USP48: variants seen among roughly 807,000 people sequenced by gnomAD.
The protein encoded by USP48 is ubiquitin specific peptidase 48.
In USP48, 43 loss-of-function variants were observed where a neutral mutation model predicts 150.7. That is an observed-to-expected ratio of 0.29 (90% CI 0.22 to 0.37). The LOEUF (loss-of-function observed/expected upper bound fraction) is 0.37. USP48 is among the 10% of genes least tolerant of loss of function. The pLI, the probability that USP48 is intolerant of heterozygous loss-of-function variation, is 1.00. For missense variants in USP48, 813 were observed against 1,249.6 expected, an observed-to-expected ratio of 0.65 and a Z score of 5.27; for synonymous variants, 396 against 425.9, an observed-to-expected ratio of 0.93 and a Z score of 0.86.
At chr1:21,691,552 T>G (rs909362759) in intron 23 of USP48, among the ~76,000 whole-genome samples, 2 of 152,116 alleles carry the variant, frequency 1.3e-5, no homozygotes, top group African/African-American at 4.8e-5. Context: ...GGAGAATCAC[T>G]TGAACCCAGG....
At chr1:21,714,884 C>T (rs2097700155) in intron 15 of USP48, among the ~76,000 whole-genome samples, 1 of 152,128 alleles carries the variant, frequency 6.6e-6, no homozygotes, top group Non-Finnish European at 1.5e-5. Flanking sequence ...TGGCTCGTGC[C>T]TATAATCCCA....
At chr1:21,781,648 C>G (rs1308103464) in intron 1 of USP48, among the ~76,000 whole-genome samples, 1 of 152,204 alleles carries the variant, frequency 6.6e-6, no homozygotes, top group Admixed American at 6.5e-5. Context: ...GTGGGAGGAT[C>G]GCTTGAGCCT....
chr1:21,695,319 T>C, intron 22 of USP48, 98 bp from the exon 23 acceptor site: 1 of 1,301,670 alleles, frequency 7.7e-7, no homozygotes, highest in Non-Finnish European at 1.0e-6. Context: ...GTTTCCTTAT[T>C]GGTCCCTTAA....
intron 1 of USP48, among the ~76,000 whole-genome samples, chr1:21,768,763 G>A (rs1328512080): frequency 6.6e-6 from 1 of 151,244 alleles, no homozygotes; most frequent in Non-Finnish European, 1.5e-5. Flanking sequence ...ACCCGTGTAG[G>A]CCACTCCTGC....
intron 23 of USP48, among the ~76,000 whole-genome samples, chr1:21,692,024 G>A (rs573434284): frequency 7.2e-5 from 11 of 152,230 alleles, no homozygotes; most frequent in African/African-American, 2.2e-4. Flanking sequence ...GTGTGTAACA[G>A]GGCCCAAGAG....
Position 21,687,167 on chromosome 1 carries a change from T to C in USP48, c.3058+24A>G, listed in dbSNP as rs72877909. Reference sequence around the variant, plus strand: ...CTCCGTCTAAAACCTAATCAGCAGATTCCTAAAACAAATTCATCTTTACCT... The same window carrying C: ...CTCCGTCTAAAACCTAATCAGCAGACTCCTAAAACAAATTCATCTTTACCT... On this transcript the variant is annotated intron_variant, in intron 25 of 26. Transcript: ENST00000308271. 11,667 of 1,609,362 alleles carry C rather than the reference T, an allele frequency of 7.2e-3. 63 individuals carry two copies. Among genetic ancestry groups the C allele is most frequent in the African/African-American group, 0.022 (1,623 of 74,914 alleles).
At chr1:21,695,277 T>G (rs2097623931) in intron 22 of USP48, 56 bp from the exon 23 acceptor site, 1 of 1,502,464 alleles carries the variant, frequency 6.7e-7, no homozygotes, top group South Asian at 1.3e-5. Context: ...ATGTGACCCT[T>G]GCTCATGAAG....
chr1:21,762,844 C>A (rs191968479), intron 1 of USP48, among the ~76,000 whole-genome samples: 1,342 of 129,798 alleles, frequency 0.01, 10 homozygotes, highest in Non-Finnish European at 0.016. Context: ...CCAGCCTGGG[C>A]GACAGAGCGA....
rs59309344 is a variant in USP48 at position 21,776,592 on chromosome 1, CAAAAAA to C, written c.134+6226_134+6231del. The stretch of plus-strand genomic sequence containing the variant: ...GGAGAAAGTGAATAGTGTCTTGTCT[CAAAAAA>C]AAAAAAAAAAAAAAAAAAAAGAAGA... On this transcript the variant is annotated intron_variant, in intron 1 of 26. Coordinates refer to ENST00000308271, the MANE Select transcript of USP48 (RefSeq NM_032236.8). 8.8e-4 allele frequency among the ~76,000 whole-genome samples: 51 copies of C among 58,014 alleles called. 1 individual carries two copies. In the East Asian group the frequency reaches 9.1e-3, roughly 10 times the overall value. 38.1% of individuals were successfully genotyped at this position (58,014 alleles called of 152,430 possible).
chr1:21,724,520 C>T (rs2097731006), intron 11 of USP48: 1 of 232,922 alleles, frequency 4.3e-6, no homozygotes, highest in Non-Finnish European at 8.4e-6. Flanking sequence ...CAGTACTTTT[C>T]ACATATATGT....
At chr1:21,716,271 A>G (rs773928037) in intron 14 of USP48, among the ~76,000 whole-genome samples, 1 of 152,102 alleles carries the variant, frequency 6.6e-6, no homozygotes, top group Non-Finnish European at 1.5e-5. Context: ...TTCCACTTTG[A>G]GATCATTATT....
At chr1:21,727,933 T>C in intron 11 of USP48, 2 of 984,976 alleles carry the variant, frequency 2.0e-6, no homozygotes, top group Non-Finnish European at 2.4e-6. Flanking sequence ...GGAATTCATG[T>C]CTTTAAAATG....
rs373471699 is a variant in USP48 at position 21,710,412 on chromosome 1, TAAC to T, written c.1964-3547_1964-3545del. Among the ~76,000 whole-genome samples the T allele has an allele frequency of 5.9e-5, 9 of 152,176 alleles. 1 individual carries two copies. Among genetic ancestry groups the T allele is most frequent in the African/African-American group, 1.9e-4 (8 of 41,526 alleles). The stretch of plus-strand genomic sequence containing the variant: ...GACATCTCAAGAAGTACTTTCAAAA[TAAC>T]AAAACAAAACACAGCCCATCGTCTA... On this transcript the variant is annotated intron_variant, in intron 15 of 26. Coordinates refer to ENST00000308271, the MANE Select transcript of USP48 (RefSeq NM_032236.8).
intron 1 of USP48, among the ~76,000 whole-genome samples, chr1:21,763,676 G>T (rs867660175): frequency 6.6e-6 from 1 of 152,164 alleles, no homozygotes; most frequent in Non-Finnish European, 1.5e-5. Context: ...TTAGCCAGGC[G>T]TGGTGGCACA....
chr1:21,698,543 T>C (rs984166501), intron 22 of USP48, among the ~76,000 whole-genome samples: 1 of 152,210 alleles, frequency 6.6e-6, no homozygotes, highest in Admixed American at 6.5e-5. Flanking sequence ...AAAATGTAGA[T>C]AGTTTCTAAA....
intron 1 of USP48, chr1:21,781,833 A>T (rs1297918726): frequency 1.3e-5 from 2 of 152,248 alleles, no homozygotes; most frequent in African/African-American, 4.8e-5. Flanking sequence ...TATTATACAC[A>T]GACTTCAAAC....
intron 1 of USP48, among the ~76,000 whole-genome samples, chr1:21,769,915 A>G (rs1339434533): frequency 6.6e-6 from 1 of 152,148 alleles, no homozygotes; most frequent in Non-Finnish European, 1.5e-5. Context: ...TAAAATATAT[A>G]TGCAGAATGT....
chr1:21,725,305 T>C (rs906844386), intron 11 of USP48, among the ~76,000 whole-genome samples: 7 of 152,218 alleles, frequency 4.6e-5, no homozygotes, highest in African/African-American at 1.4e-4. Flanking sequence ...AGTCTTTTAT[T>C]TGTAAAATGA....
chr1:21,724,402 C>A, intron 11 of USP48: 1 of 547,534 alleles, frequency 1.8e-6, no homozygotes, highest in Non-Finnish European at 3.2e-6. Context: ...CACAGCAGAG[C>A]TTTGATCAGG....
Sources: gnomAD v4.1 joint callset for allele counts (sites outside exome capture counted in the v4.1 genomes callset) on GRCh38, gnomAD v4.1.1 for gene constraint, MANE v1.5 for transcripts, NCBI Gene and HGNC (gene_info 2026-07-23, HGNC 2026-07-21) for gene names.